Variants in GABRB2 observed in about 807,000 individuals in gnomAD.
GABRB2 encodes the protein gamma-aminobutyric acid type A receptor subunit beta2.
A neutral mutation model predicts 54.7 loss-of-function variants in GABRB2; 16 were observed. The ratio of observed to expected loss-of-function variants is 0.29; its 90% CI spans 0.20 to 0.44. The LOEUF is 0.44. Among genes scored for constraint, GABRB2 ranks in the 20% least tolerant of loss-of-function variants. GABRB2 has a pLI of 1.00. For synonymous variants in GABRB2, 244 were observed against 233.8 expected (o/e 1.04, Z -0.40); for missense variants, 355 against 644.0 (o/e 0.55, Z 4.86).
intron 5 of GABRB2, among the ~76,000 whole-genome samples, chr5:161,389,311 G>A (rs1260488633): frequency 6.6e-6 from 1 of 151,908 alleles, no homozygotes; most frequent in African/African-American, 2.4e-5. Context: ...TTACCCCGTG[G>A]AAACTAGATA....
chr5:161,330,750 G>A, intron 8 of GABRB2, 133 bp downstream of exon 8: 4 of 1,257,174 alleles, frequency 3.2e-6, no homozygotes, highest in Non-Finnish European at 1.1e-6. Context: ...AATTGTTTGT[G>A]TGCTTTGGGG....
chr5:161,290,566 A>C lies in GABRB2; in HGVS notation c.*3515T>G, dbSNP rs2113326830. The C allele has an allele frequency of 6.5e-6, 1 of 152,696 alleles. No individual in the cohort carries two copies. Among genetic ancestry groups the C allele is most frequent in the Non-Finnish European group, 1.5e-5 (1 of 68,004 alleles). 9.5% of individuals were successfully genotyped at this position (152,696 alleles called of 1,614,324 possible). A position where few individuals can be genotyped will look rare whatever the true frequency, so the allele number is the denominator to read the frequency against. ...TACTCATATACTGGTTTAATGAAGG[A>C]AATAAAACATATTAGCTTATTCCTT... On this transcript the variant is annotated 3_prime_UTR_variant, in exon 10 of 10. Coordinates refer to ENST00000393959, the MANE Select transcript of GABRB2 (RefSeq NM_001371727.1).
chr5:161,474,780 C>A (rs1758545880), intron 3 of GABRB2, among the ~76,000 whole-genome samples: 1 of 151,910 alleles, frequency 6.6e-6, no homozygotes, highest in Non-Finnish European at 1.5e-5. Context: ...TTTTCTCTAA[C>A]TACATTCAAA....
chr5:161,433,273 T>G (rs1276142911), intron 4 of GABRB2, among the ~76,000 whole-genome samples: 1 of 152,208 alleles, frequency 6.6e-6, no homozygotes, highest in Middle Eastern at 3.4e-3. Flanking sequence ...AGTAATTCTT[T>G]GGCAGTAGTT....
At chr5:161,429,839 A>G (rs1580979073) in intron 4 of GABRB2, among the ~76,000 whole-genome samples, 1 of 152,104 alleles carries the variant, frequency 6.6e-6, no homozygotes, top group African/African-American at 2.4e-5. Context: ...ACAAAAGGGA[A>G]TGGTGGGGAA....
chr5:161,305,001 ATTTTTT>A lies in GABRB2; in HGVS notation c.1192-10579_1192-10574del, dbSNP rs544511446. Among the ~76,000 whole-genome samples, 742 of 95,190 alleles carry A rather than the reference ATTTTTT, an allele frequency of 7.8e-3. 5 individuals carry two copies. Among genetic ancestry groups the A allele is most frequent in the African/African-American group, 0.031 (671 of 21,880 alleles). 62.4% of individuals were successfully genotyped at this position (95,190 alleles called of 152,430 possible). ...AGAAAACTATATTTATGATATATCA[ATTTTTT>A]TTTTTTTTTTTTTTTTTTTTGAGAC... On this transcript the variant is annotated intron_variant, in intron 9 of 9. Transcript: ENST00000393959.
chr5:161,442,295 T>C (rs1757489586), intron 4 of GABRB2, among the ~76,000 whole-genome samples: 2 of 152,240 alleles, frequency 1.3e-5, no homozygotes, highest in African/African-American at 2.4e-5. Flanking sequence ...AATAAGCATA[T>C]GAATGAATGA....
At chr5:161,518,351 A>G (rs1163810712) in intron 3 of GABRB2, among the ~76,000 whole-genome samples, 1 of 152,176 alleles carries the variant, frequency 6.6e-6, no homozygotes, top group Non-Finnish European at 1.5e-5. Context: ...TCCCAAGTGG[A>G]GGCCTCATAC....
chr5:161,350,135 C>T (rs1008195856), intron 5 of GABRB2, among the ~76,000 whole-genome samples: 1 of 152,042 alleles, frequency 6.6e-6, no homozygotes, highest in African/African-American at 2.4e-5. Context: ...AAAGCTTTTA[C>T]TCTAGATCAG....
At chr5:161,297,366 G>T (rs1231869463) in intron 9 of GABRB2, among the ~76,000 whole-genome samples, 1 of 152,104 alleles carries the variant, frequency 6.6e-6, no homozygotes, top group Non-Finnish European at 1.5e-5. Context: ...ACGTGCCATG[G>T]TGGTTTGCTG....
intron 5 of GABRB2, among the ~76,000 whole-genome samples, chr5:161,395,707 T>C (rs1043311204): frequency 3.3e-5 from 5 of 152,064 alleles, no homozygotes; most frequent in Non-Finnish European, 5.9e-5. Context: ...GAAAATATAC[T>C]GTAGGCAAAG....
intron 9 of GABRB2, among the ~76,000 whole-genome samples, chr5:161,319,864 T>C (rs1758157471): frequency 6.6e-6 from 1 of 151,782 alleles, no homozygotes; most frequent in South Asian, 2.1e-4. Context: ...AGTTAATTGG[T>C]CGTTTTTCTT....
chr5:161,532,756 T>C (rs1479017850), intron 3 of GABRB2, among the ~76,000 whole-genome samples: 1 of 152,184 alleles, frequency 6.6e-6, no homozygotes, highest in African/African-American at 2.4e-5. Flanking sequence ...CACAGCTTAA[T>C]TGGTGTAGAG....
intron 3 of GABRB2, among the ~76,000 whole-genome samples, chr5:161,500,699 A>C (rs921094281): frequency 6.6e-6 from 1 of 152,144 alleles, no homozygotes; most frequent in African/African-American, 2.4e-5. Context: ...CATTGCAGGG[A>C]GATTATTGAT....
intron 5 of GABRB2, among the ~76,000 whole-genome samples, chr5:161,389,016 G>C (rs1366408803): frequency 6.6e-6 from 1 of 151,922 alleles, no homozygotes; most frequent in Non-Finnish European, 1.5e-5. Context: ...AGACTATCAA[G>C]TAAAAAGAGA....
chr5:161,484,790 C>A (rs1269131186), intron 3 of GABRB2, among the ~76,000 whole-genome samples: 2 of 151,936 alleles, frequency 1.3e-5, no homozygotes, highest in Non-Finnish European at 2.9e-5. Context: ...CTTCATCTGG[C>A]CTTGTTACCT....
intron 5 of GABRB2, among the ~76,000 whole-genome samples, chr5:161,352,633 C>A (rs189904336): frequency 1.3e-5 from 2 of 151,998 alleles, no homozygotes; most frequent in Non-Finnish European, 2.9e-5. Context: ...GATCTATTGT[C>A]CCACATTGTA....
intron 3 of GABRB2, among the ~76,000 whole-genome samples, chr5:161,463,473 T>C (rs1163203473): frequency 1.3e-5 from 2 of 148,264 alleles, no homozygotes; most frequent in Non-Finnish European, 3.0e-5. Flanking sequence ...TCTCATTTAA[T>C]CTCAAATGTT....
At chr5:161,465,313 T>C (rs1211539345) in intron 3 of GABRB2, among the ~76,000 whole-genome samples, 2 of 152,198 alleles carry the variant, frequency 1.3e-5, no homozygotes, top group East Asian at 3.9e-4. Flanking sequence ...CACAGGGACA[T>C]AGGGCTCCAC....
Sources: gnomAD v4.1 joint callset for allele counts (sites outside exome capture counted in the v4.1 genomes callset) on GRCh38, gnomAD v4.1.1 for gene constraint, MANE v1.5 for transcripts, NCBI Gene and HGNC (gene_info 2026-07-23, HGNC 2026-07-21) for gene names.